The following RP1 variants were observed in gnomAD, a reference collection of about 807,000 sequenced individuals.
The protein encoded by RP1 is RP1 axonemal microtubule associated.
RP1 carries 16 observed loss-of-function variants against 14.8 expected under a neutral mutation model. The ratio of observed to expected loss-of-function variants is 1.08; its 90% CI spans 0.73 to 1.65. The LOEUF (loss-of-function observed/expected upper bound fraction) is 1.65, where lower values mean the gene tolerates loss of function less well. Ranked by LOEUF, RP1 falls within the 40% of genes most tolerant of loss-of-function variation. RP1 has a pLI of 0.00. For synonymous variants in RP1, 876 were observed against 883.6 expected (o/e 0.99, Z 0.15); for missense variants, 2,631 against 2,535.0 (o/e 1.04, Z -0.81).
At chr8:54,689,715 G>A (rs1381371073) in intron 12 of RP1, among the ~76,000 whole-genome samples, 1 of 151,986 alleles carries the variant, frequency 6.6e-6, no homozygotes, top group Admixed American at 6.6e-5. Flanking sequence ...GGAAAGTAAG[G>A]CTAAGGTTTT....
At chr8:54,698,904 G>C (rs1203547858) in intron 12 of RP1, among the ~76,000 whole-genome samples, 1 of 152,102 alleles carries the variant, frequency 6.6e-6, no homozygotes. Flanking sequence ...GGGGTCCTGG[G>C]GGAGGGATAG....
intron 27 of RP1, among the ~76,000 whole-genome samples, chr8:54,864,268 A>T (rs1812413641): frequency 6.6e-6 from 1 of 152,214 alleles, no homozygotes; most frequent in Admixed American, 6.5e-5. Flanking sequence ...ATATTTTATG[A>T]CATTGAAAAC....
Position 54,630,622 on chromosome 8 carries a change from A to C in RP1, c.*269A>C. 3 of 1,186,860 alleles carry C rather than the reference A, an allele frequency of 2.5e-6. No individual in the cohort carries two copies. Among genetic ancestry groups the C allele is most frequent in the Admixed American group, 4.7e-5 (1 of 21,344 alleles). The allele number at this position is 1,186,860 out of a possible 1,614,324, so 73.5% of individuals were successfully genotyped here. On this transcript the variant is annotated 3_prime_UTR_variant, in exon 4 of 4. Coordinates refer to ENST00000220676, the MANE Select transcript of RP1 (RefSeq NM_006269.2). ...TACATTTTTTTTTTTTTTGGTATCT[A>C]TGATTTTTTTTGCTCAGGGCATCAA...
chr8:54,633,605 T>C (rs1287777137), downstream of RP1, among the ~76,000 whole-genome samples: 1 of 151,960 alleles, frequency 6.6e-6, no homozygotes, highest in African/African-American at 2.4e-5. Context: ...GTGTTAAACA[T>C]GTTTTAGCTA....
intron 23 of RP1, among the ~76,000 whole-genome samples, chr8:54,775,530 G>C (rs945154550): frequency 2.6e-5 from 4 of 152,152 alleles, no homozygotes; most frequent in African/African-American, 9.6e-5. Flanking sequence ...CCCTGGCTGT[G>C]CTTGCAGCCA....
chr8:54,673,958 G>T (rs933968057), intron 8 of RP1: 11 of 1,469,970 alleles, frequency 7.5e-6, no homozygotes, highest in Non-Finnish European at 1.0e-5. Context: ...AGTTCATGAA[G>T]GTCTGATTCC....
At chr8:54,652,919 T>G in intron 5 of RP1, 1 of 1,261,982 alleles carries the variant, frequency 7.9e-7, no homozygotes. Context: ...TGCATATTCC[T>G]CTCAGGAGTC....
intron 12 of RP1, chr8:54,697,240 T>C (rs1271829082): frequency 9.7e-6 from 6 of 618,316 alleles, no homozygotes; most frequent in African/African-American, 1.8e-5. Flanking sequence ...CTTCAAAAAC[T>C]GGAAAGGAAG....
At chr8:54,769,799 G>A in exon 23 of RP1, 1 of 1,531,576 alleles carries the variant, frequency 6.5e-7, no homozygotes, top group Non-Finnish European at 8.7e-7. Context: ...TTATCTTCAA[G>A]GTGAGGATTA....
intron 14 of RP1, among the ~76,000 whole-genome samples, chr8:54,706,254 A>G (rs542697713): frequency 6.6e-6 from 1 of 152,308 alleles, no homozygotes; most frequent in South Asian, 2.1e-4. Context: ...ATGATAACTG[A>G]AGTAAACCAA....
At chr8:54,708,716 AT>A (rs55828552) in intron 15 of RP1, among the ~76,000 whole-genome samples, 45,034 of 139,846 alleles carry the variant, frequency 0.32, 7,870 homozygotes, top group Middle Eastern at 0.5. Context: ...TGACTCTTCC[AT>A]TTTTTTTTTT....
At chr8:54,848,276 G>T (rs888205656) in intron 25 of RP1, among the ~76,000 whole-genome samples, 3 of 152,172 alleles carry the variant, frequency 2.0e-5, no homozygotes, top group Non-Finnish European at 4.4e-5. Context: ...TCTCCTCTGA[G>T]CCCCAAGGCT....
At chr8:54,666,506 G>A (rs1022206440) in intron 7 of RP1, among the ~76,000 whole-genome samples, 1 of 152,058 alleles carries the variant, frequency 6.6e-6, no homozygotes, top group Non-Finnish European at 1.5e-5. Context: ...AAGTTGGGAT[G>A]CTCAGTGTGT....
chr8:54,721,758 C>T (rs1342983915), intron 16 of RP1, among the ~76,000 whole-genome samples: 1 of 152,190 alleles, frequency 6.6e-6, no homozygotes, highest in African/African-American at 2.4e-5. Context: ...ATGCAGGAGA[C>T]ATTGCTTTAG....
chr8:54,760,696 A>G (rs1202115576), intron 22 of RP1, among the ~76,000 whole-genome samples: 1 of 152,156 alleles, frequency 6.6e-6, no homozygotes, highest in Non-Finnish European at 1.5e-5. Context: ...TAGTGAAATT[A>G]GACCCCTATA....
chr8:54,723,907 TA>T (rs1469822467), intron 16 of RP1, among the ~76,000 whole-genome samples: 7 of 152,234 alleles, frequency 4.6e-5, no homozygotes, highest in African/African-American at 7.2e-5. Flanking sequence ...CCTCTTGCTC[TA>T]ATTCCAGCCC....
chr8:54,610,487 A>G (rs537697321), intron 1 of RP1, among the ~76,000 whole-genome samples: 6 of 152,300 alleles, frequency 3.9e-5, no homozygotes, highest in African/African-American at 1.4e-4. Context: ...AACCTTTAGT[A>G]TAATGCCTTT....
At chr8:54,600,550 T>C (rs1256467698) in intron 1 of RP1, among the ~76,000 whole-genome samples, 2 of 152,152 alleles carry the variant, frequency 1.3e-5, no homozygotes, top group Non-Finnish European at 2.9e-5. Flanking sequence ...GTGGTGGCTT[T>C]ACTACCAGGT....
chr8:54,634,750 A>C (rs1410194222), downstream of RP1, among the ~76,000 whole-genome samples: 1 of 152,224 alleles, frequency 6.6e-6, no homozygotes, highest in Non-Finnish European at 1.5e-5. Context: ...TGTTCTAGAC[A>C]AAAATTAGTA....
Sources: allele counts gnomAD v4.1 joint callset (sites outside exome capture counted in the v4.1 genomes callset), GRCh38; gene constraint gnomAD v4.1.1; transcripts MANE v1.5; gene names NCBI Gene and HGNC (gene_info 2026-07-23, HGNC 2026-07-21).